The following ACTR3C variants were observed in gnomAD, a reference collection of about 807,000 sequenced individuals.
The protein encoded by ACTR3C is actin related protein 3C, also known as actin-related protein 3C.
In ACTR3C, 18 loss-of-function variants were observed where a neutral mutation model predicts 26.3. The observed-to-expected ratio is 0.68, with a 90% CI of 0.47 to 1.01. The LOEUF (loss-of-function observed/expected upper bound fraction) is 1.01. ACTR3C is among the 50% of genes least tolerant of loss of function. The pLI, the probability that ACTR3C is intolerant of heterozygous loss-of-function variation, is 0.00. For synonymous variants in ACTR3C, 55 were observed against 94.5 expected, an observed-to-expected ratio of 0.58 and a Z score of 2.42; for missense variants, 184 against 250.7, an observed-to-expected ratio of 0.73 and a Z score of 1.80.
chr7:150,118,246 T>C, the ACTR3C span, among the ~76,000 whole-genome samples: 28 of 151,852 alleles, frequency 1.8e-4, no homozygotes, highest in Non-Finnish European at 2.1e-4. Flanking sequence ...TTTGACAAAT[T>C]GACAGTAGGC....
chr7:150,067,545 C>G, the ACTR3C span, among the ~76,000 whole-genome samples: 2 of 152,076 alleles, frequency 1.3e-5, no homozygotes, highest in South Asian at 2.1e-4. Context: ...GATTCTATCA[C>G]TTGTGGGGTA....
At position 150,274,098 on chromosome 7, in the gene ACTR3C, T is replaced by TATA; in HGVS notation, c.564+10654_564+10655insTAT. ...ATAAATAACTAAAATATATAGCAAA[T>TATA]TAGGAGATGAATGTTATGGAGAAAA... On this transcript the variant is annotated intron_variant, in intron 6 of 7. Coordinates refer to ENST00000683684, the MANE Select transcript of ACTR3C (RefSeq NM_001164458.2). This position sits in a 1 kb window ranked among gnomAD's most constrained non-coding sequence, Gnocchi z 4.1. 6.6e-6 allele frequency among the ~76,000 whole-genome samples: 1 copy of TATA among 151,334 alleles called. No homozygotes were observed. The highest frequency in any genetic ancestry group is 1.9e-4 in the East Asian group (1 of 5,156).
At chr7:150,206,169 T>A in the ACTR3C span, among the ~76,000 whole-genome samples, 7 of 152,208 alleles carry the variant, frequency 4.6e-5, no homozygotes. Context: ...CCAGTGGTCA[T>A]CCCTGGGCTG....
chr7:149,907,681 G>A, the ACTR3C span, among the ~76,000 whole-genome samples: 7 of 151,258 alleles, frequency 4.6e-5, no homozygotes, highest in African/African-American at 9.7e-5. Context: ...TTCGCTTCCC[G>A]TCTCTATTAA....
chr7:150,170,363 CA>C, the ACTR3C span, among the ~76,000 whole-genome samples: 4 of 150,838 alleles, frequency 2.7e-5, no homozygotes, highest in Non-Finnish European at 5.9e-5. Flanking sequence ...CTGCTAGAAG[CA>C]AGTCACTAAA....
the ACTR3C span, among the ~76,000 whole-genome samples, chr7:150,214,375 T>C: frequency 6.7e-6 from 1 of 148,380 alleles, no homozygotes; most frequent in Admixed American, 6.7e-5. Flanking sequence ...AAGCAGAAAA[T>C]AGAAATTATG....
chr7:150,087,982 T>C, the ACTR3C span, among the ~76,000 whole-genome samples: 1 of 152,234 alleles, frequency 6.6e-6, no homozygotes, highest in African/African-American at 2.4e-5. Flanking sequence ...TGTTCAATGA[T>C]TTAAATGAAA....
intron 1 of ACTR3C, among the ~76,000 whole-genome samples, chr7:150,320,973 T>C (rs190159849): frequency 2.6e-4 from 39 of 152,308 alleles, no homozygotes; most frequent in African/African-American, 9.4e-4. Context: ...ACTCACTCTT[T>C]GACTAAACTT....
chr7:149,987,911 GCTT>G, the ACTR3C span, among the ~76,000 whole-genome samples: 1 of 152,022 alleles, frequency 6.6e-6, no homozygotes, highest in Non-Finnish European at 1.5e-5. Context: ...TAAAATAAAA[GCTT>G]TTTTAAAAAA....
chr7:150,306,758 T>A (rs1486513796), intron 1 of ACTR3C, among the ~76,000 whole-genome samples: 1 of 152,214 alleles, frequency 6.6e-6, no homozygotes, highest in African/African-American at 2.4e-5. Flanking sequence ...TAGGTGTCTA[T>A]CCTAGAAAAC....
the ACTR3C span, among the ~76,000 whole-genome samples, chr7:150,044,489 T>C: frequency 8.5e-5 from 13 of 152,348 alleles, no homozygotes; most frequent in South Asian, 1.2e-3. Context: ...ATGTTAGTAC[T>C]GACCCACCCA....
chr7:150,078,965 A>C, the ACTR3C span, among the ~76,000 whole-genome samples: 1 of 152,174 alleles, frequency 6.6e-6, no homozygotes, highest in Non-Finnish European at 1.5e-5. Context: ...TGGAACTGGA[A>C]CACCCAGATG....
the ACTR3C span, among the ~76,000 whole-genome samples, chr7:150,103,669 C>A: frequency 6.6e-6 from 1 of 151,794 alleles, no homozygotes; most frequent in Non-Finnish European, 1.5e-5. Flanking sequence ...TAAAGATTTT[C>A]CATTTTTTAA....
intron 6 of ACTR3C, among the ~76,000 whole-genome samples, chr7:150,273,025 G>A (rs1834572165): frequency 7.1e-6 from 1 of 141,594 alleles, no homozygotes; most frequent in Non-Finnish European, 1.5e-5. Context: ...ACAAGGAAGA[G>A]TAAGTAAACA....
chr7:149,917,987 A>G, the ACTR3C span, among the ~76,000 whole-genome samples: 11 of 152,182 alleles, frequency 7.2e-5, no homozygotes, highest in Non-Finnish European at 1.3e-4. Context: ...GCAACGCACA[A>G]TCTCCATATT....
At chr7:150,255,845 G>T (rs978042114) in intron 6 of ACTR3C, among the ~76,000 whole-genome samples, 1 of 152,216 alleles carries the variant, frequency 6.6e-6, no homozygotes, top group African/African-American at 2.4e-5. Context: ...TCTAAAGCTT[G>T]TATATCTTGG....
At chr7:149,889,454 A>G in the ACTR3C span, among the ~76,000 whole-genome samples, 1 of 152,242 alleles carries the variant, frequency 6.6e-6, no homozygotes, top group Non-Finnish European at 1.5e-5. Context: ...TAAAAAATAC[A>G]GTTGAAAAAT....
the ACTR3C span, among the ~76,000 whole-genome samples, chr7:149,903,923 T>C: frequency 8.8e-6 from 1 of 113,014 alleles, no homozygotes; most frequent in African/African-American, 2.7e-5. Context: ...GTTGTTGTTG[T>C]TGTTGTTGTT....
At chr7:150,257,482 A>C (rs935017726) in intron 6 of ACTR3C, among the ~76,000 whole-genome samples, 3 of 152,220 alleles carry the variant, frequency 2.0e-5, no homozygotes, top group Non-Finnish European at 4.4e-5. Flanking sequence ...CAATACCAAG[A>C]AGGAAATGCT....
Sources: gnomAD v4.1 joint callset for allele counts (sites outside exome capture counted in the v4.1 genomes callset) on GRCh38, gnomAD v4.1.1 for gene constraint, Gnocchi (gnomAD v3.1) non-coding constraint, MANE v1.5 for transcripts, NCBI Gene and HGNC (gene_info 2026-07-23, HGNC 2026-07-21) for gene names.